FANCD2: variants seen among roughly 807,000 people sequenced by gnomAD.
The protein encoded by FANCD2 is FA complementation group D2.
Under a neutral mutation model 192.3 loss-of-function variants are expected in FANCD2, and 131 were observed. The ratio of observed to expected loss-of-function variants is 0.68; its 90% CI spans 0.59 to 0.79. The LOEUF (loss-of-function observed/expected upper bound fraction) is 0.79. Among genes scored for constraint, FANCD2 ranks in the 30% least tolerant of loss-of-function variants. The pLI is 0.00. For missense variants in FANCD2, 1,508 were observed against 1,701.6 expected (o/e 0.89, Z 2.00); for synonymous variants, 524 against 612.5 (o/e 0.86, Z 2.13).
chr3:10,054,545 G>A (rs1370230317), intron 18 of FANCD2, among the ~76,000 whole-genome samples: 2 of 123,666 alleles, frequency 1.6e-5, no homozygotes, highest in African/African-American at 3.2e-5. Context: ...GTGCAGTGGC[G>A]CAATCTCGGC....
In FANCD2 at chr3:10,065,456, A is replaced by G. The variant is rs2125036529; in HGVS notation, c.2231A>G (p.Gln744Arg). 6.2e-7 allele frequency: 1 copy of G among 1,613,862 alleles called. No individual in the cohort carries two copies. Residue 744 changes from glutamine to arginine, a missense_variant, in exon 24 of 44, where the codon CAG becomes CGG. This residue lies in a region of FANCD2 where 796 missense variants were observed against 879.4 expected (regional missense o/e 0.91). Coordinates refer to ENST00000675286, the MANE Select transcript of FANCD2 (RefSeq NM_001018115.3). ...TTACTGAGACTTTGTGTGGAGAGAC[A>G]GCATAACGGAAACTTGGAGGAGATT... ...FRLLRLCVER[Q>R]HNGNLEEIDG...
At chr3:10,048,574 G>C (rs1233809646) in intron 16 of FANCD2, among the ~76,000 whole-genome samples, 1 of 152,194 alleles carries the variant, frequency 6.6e-6, no homozygotes, top group African/African-American at 2.4e-5. Context: ...CAAAGTGCTG[G>C]GATTATAGGC....
intron 28 of FANCD2, among the ~76,000 whole-genome samples, 168 bp downstream of exon 28, chr3:10,073,530 T>A (rs1356580010): frequency 6.6e-6 from 1 of 152,252 alleles, no homozygotes; most frequent in East Asian, 1.9e-4. Flanking sequence ...CAGATTAGAC[T>A]TCAGGTCCTT....
rs923806582 is a variant in FANCD2, at chr3:10,047,900, A to G, written c.1279-17A>G. On this transcript the variant is annotated splice_polypyrimidine_tract_variant and intron_variant, in intron 15 of 43. Coordinates refer to ENST00000675286, the MANE Select transcript of FANCD2 (RefSeq NM_001018115.3). ...TTCCTACAGCTTCTTTTCTCTCTCT[A>G]CTCTTCCCCACTCAAGGTTCTTAAG... 2.3e-5 allele frequency: 37 copies of G among 1,611,790 alleles called. No individual in the cohort carries two copies. Among genetic ancestry groups the G allele is most frequent in the Non-Finnish European group, 3.1e-5 (36 of 1,179,982 alleles).
rs1484950525 is a variant in FANCD2 at position 10,049,470 on chromosome 3, C to G, written c.1510C>G (p.Pro504Ala). The G allele has an allele frequency of 6.2e-7, 1 of 1,600,350 alleles. No individual in the cohort carries two copies. The highest frequency in any genetic ancestry group is 8.6e-7 in the Non-Finnish European group (1 of 1,169,578). Residue 504 changes from proline to alanine, a missense_variant, in exon 17 of 44, where the codon CCA (proline) becomes GCA (alanine). Transcript: ENST00000675286. Reference protein sequence around the residue: ...DVLLELVVLNPSAMMMNAVFV... With the variant: ...DVLLELVVLNASAMMMNAVFV... ...CCTTCTAGAGTTGGTAGTGTTAAAC[C>G]CATCTGCTATGATGATGAATGCTGT...
At chr3:10,070,333 G>A (rs977752491) in intron 26 of FANCD2, among the ~76,000 whole-genome samples, 4 of 148,686 alleles carry the variant, frequency 2.7e-5, no homozygotes, top group African/African-American at 1.0e-4. Context: ...AGGGAGGTGG[G>A]GGTCAGGCCC....
intron 25 of FANCD2, 78 bp downstream of exon 25, chr3:10,066,057 C>A: frequency 1.1e-6 from 1 of 898,170 alleles, no homozygotes; most frequent in African/African-American, 1.6e-5. Context: ...CCACAAGACT[C>A]CCTAGAAGTC....
At chr3:10,083,392 G>T (rs1017211365) in intron 32 of FANCD2, among the ~76,000 whole-genome samples, 2 of 152,202 alleles carry the variant, frequency 1.3e-5, no homozygotes, top group African/African-American at 4.8e-5. Flanking sequence ...ACACTCACTA[G>T]CATAGCTACA....
In FANCD2 at chr3:10,051,679, G is replaced by C. The variant is rs550753330; in HGVS notation, c.1546-708G>C. Among the ~76,000 whole-genome samples, 15 of 152,256 alleles carry C rather than the reference G, an allele frequency of 9.9e-5. No individual in the cohort carries two copies. In the South Asian group the frequency reaches 2.7e-3, roughly 27 times the overall value. ...AGATATTTTTTAGATGAGGAGGTTT[G>C]AGATTGCTTGTAGGCTGAGAGAAAG... On this transcript the variant is annotated intron_variant, in intron 17 of 43. Transcript: ENST00000675286.
At position 10,054,466 on chromosome 3, in the gene FANCD2, TATATATA is replaced by T. The variant is rs1421550161; in HGVS notation, c.1656+1970_1656+1976del. On this transcript the variant is annotated intron_variant, in intron 18 of 43. Coordinates refer to ENST00000675286, the MANE Select transcript of FANCD2 (RefSeq NM_001018115.3). ...ATATACATATATATATATATATATA[TATATATA>T]TTTTTTTTTTTTTTTTTTTTTTTTT... Among the ~76,000 whole-genome samples, 17 of 31,112 alleles carry T rather than the reference TATATATA, an allele frequency of 5.5e-4. No individual in the cohort carries two copies. In the East Asian group the frequency reaches 7.2e-3, roughly 13 times the overall value. The allele number at this position is 31,112 out of a possible 152,430, so 20.4% of individuals were successfully genotyped here.
At position 10,026,602 on chromosome 3, in the gene FANCD2, C is replaced by T. The variant is rs149372158; in HGVS notation, c.-34+129C>T. The T allele has an allele frequency of 4.5e-3, 756 of 168,350 alleles. 4 individuals carry two copies. Among genetic ancestry groups the T allele is most frequent in the Non-Finnish European group, 7.0e-3 (580 of 82,466 alleles). The allele number at this position is 168,350 out of a possible 1,614,324, so 10.4% of individuals were successfully genotyped here. A position where few individuals can be genotyped will look rare whatever the true frequency, so the allele number is the denominator to read the frequency against. The stretch of plus-strand genomic sequence containing the variant: ...CCCCGAACCTTGGCTTCCTCATCTG[C>T]CCTGAGATGGGATAATCCCCACAGG... On this transcript the variant is annotated intron_variant, in intron 1 of 43. Coordinates refer to ENST00000675286, the MANE Select transcript of FANCD2 (RefSeq NM_001018115.3).
At chr3:10,028,285 T>C (rs1362673069) in intron 1 of FANCD2, among the ~76,000 whole-genome samples, 1 of 152,168 alleles carries the variant, frequency 6.6e-6, no homozygotes, top group Non-Finnish European at 1.5e-5. Context: ...CCCCAGCACC[T>C]AGCACAGTCC....
At chr3:10,036,683 A>T (rs1042265964) in intron 7 of FANCD2, among the ~76,000 whole-genome samples, 1 of 144,370 alleles carries the variant, frequency 6.9e-6, no homozygotes, top group African/African-American at 2.5e-5. Flanking sequence ...TCAAAACAGA[A>T]TTTTTTTTTT....
At chr3:10,051,572 TTG>T (rs2087218883) in intron 17 of FANCD2, among the ~76,000 whole-genome samples, 1 of 151,878 alleles carries the variant, frequency 6.6e-6, no homozygotes, top group Non-Finnish European at 1.5e-5. Flanking sequence ...ACTTGAAGAC[TTG>T]GGGAATAGAG....
chr3:10,033,640 A>G (rs2086654911), intron 3 of FANCD2, among the ~76,000 whole-genome samples: 1 of 150,774 alleles, frequency 6.6e-6, no homozygotes, highest in Non-Finnish European at 1.5e-5. Flanking sequence ...CTATCTTGCT[A>G]AGGTTATGGC....
chr3:10,033,285 C>G (rs922859466), intron 3 of FANCD2, among the ~76,000 whole-genome samples: 2 of 152,184 alleles, frequency 1.3e-5, no homozygotes, highest in East Asian at 3.9e-4. Flanking sequence ...CCTGTAGTCC[C>G]AGCTGCTTGG....
At chr3:10,087,744 G>A (rs1694307543) in intron 34 of FANCD2, among the ~76,000 whole-genome samples, 1 of 152,046 alleles carries the variant, frequency 6.6e-6, no homozygotes, top group Non-Finnish European at 1.5e-5. Flanking sequence ...TACCTCCCAG[G>A]TTCAAACGAT....
chr3:10,074,687 T>A lies in FANCD2; in HGVS notation c.2859+14T>A. Reference sequence around the variant, plus strand: ...ATGCACACTGAAGTAAGTGACAGGCTAGGATCTCAGAATTTAATCTTCTTT... The same window carrying A: ...ATGCACACTGAAGTAAGTGACAGGCAAGGATCTCAGAATTTAATCTTCTTT... On this transcript the variant is annotated intron_variant, in intron 29 of 43. Coordinates refer to ENST00000675286, the MANE Select transcript of FANCD2 (RefSeq NM_001018115.3). 6.2e-7 allele frequency: 1 copy of A among 1,612,834 alleles called. No individual in the cohort carries two copies. Among genetic ancestry groups the A allele is most frequent in the South Asian group, 1.1e-5 (1 of 91,014 alleles).
intron 18 of FANCD2, among the ~76,000 whole-genome samples, chr3:10,054,936 C>A (rs551865809): frequency 6.6e-6 from 1 of 151,302 alleles, no homozygotes; most frequent in East Asian, 2.0e-4. Flanking sequence ...TGAAAAATAA[C>A]TCTCACTTCT....
Sources: allele counts gnomAD v4.1 joint callset (sites outside exome capture counted in the v4.1 genomes callset), GRCh38; gene constraint gnomAD v4.1.1; regional missense constraint gnomAD v4.1.1; transcripts MANE v1.5; gene names NCBI Gene and HGNC (gene_info 2026-07-23, HGNC 2026-07-21).